Variants in ACACA observed in about 807,000 individuals in gnomAD.
ACACA encodes acetyl-CoA carboxylase 1.
ACACA carries 103 observed loss-of-function variants against 296.1 expected under a neutral mutation model. The observed-to-expected ratio is 0.35, with a 90% CI of 0.30 to 0.41. ACACA has a LOEUF of 0.41. ACACA is among the 10% of genes least tolerant of loss of function. The pLI is 1.00. For synonymous variants in ACACA, 953 were observed against 1,038.6 expected, an observed-to-expected ratio of 0.92 and a Z score of 1.58; for missense variants, 1,554 against 2,989.7, an observed-to-expected ratio of 0.52 and a Z score of 11.20.
At chr17:37,092,090 CAG>C (rs1247446406) in intron 54 of ACACA, among the ~76,000 whole-genome samples, 1 of 151,570 alleles carries the variant, frequency 6.6e-6, no homozygotes, top group African/African-American at 2.4e-5. Flanking sequence ...AGTTTCAGAC[CAG>C]CCTGGGCAAC....
chr17:37,151,370 G>T lies in ACACA; in HGVS notation c.5499C>A (p.Asn1833Lys), dbSNP rs1349144488. 1 of 1,613,914 alleles carries T rather than the reference G, an allele frequency of 6.2e-7. No individual in the cohort carries two copies. The highest frequency in any genetic ancestry group is 8.5e-7 in the Non-Finnish European group (1 of 1,179,926). The change falls in exon 44 of 56, where the codon AAC becomes AAA. Residue 1833 changes from asparagine to lysine, a missense_variant. Transcript: ENST00000616317. Reference sequence around the variant, plus strand: ...CAGCAATCATTCCAGAACCTCGAAGGTTCTCGGGTCCAATTCCCTCTTCTT... The same window carrying T: ...CAGCAATCATTCCAGAACCTCGAAGTTTCTCGGGTCCAATTCCCTCTTCTT... The part of the protein sequence containing the change: ...IGKEEGIGPE[N>K]LRGSGMIAGE...
chr17:37,185,878 A>G (rs1340057770), intron 39 of ACACA, among the ~76,000 whole-genome samples: 1 of 151,922 alleles, frequency 6.6e-6, no homozygotes, highest in East Asian at 1.9e-4. Context: ...CTAAAATGTT[A>G]TTTTTCTCTT....
rs1354200244 is a variant in ACACA, at chr17:37,260,288, ATATATATATTTTTTTTTTT to A, written c.1330-777_1330-759del. On this transcript the variant is annotated intron_variant, in intron 11 of 55. Transcript: ENST00000616317. ...TATATATATATATATATATATATAT[ATATATATATTTTTTTTTTT>A]TTTTTTTTTGGAGATGGAGTCTCGC... Among the ~76,000 whole-genome samples the A allele has an allele frequency of 1.0e-3, 25 of 24,060 alleles. 1 individual carries two copies. The highest frequency in any genetic ancestry group is 4.4e-3 in the African/African-American group (23 of 5,274). 15.8% of individuals were successfully genotyped at this position (24,060 alleles called of 152,430 possible).
intron 1 of ACACA, among the ~76,000 whole-genome samples, chr17:37,390,175 T>TATATATACATACAC (rs60788220): frequency 2.2e-5 from 1 of 44,508 alleles, no homozygotes. Context: ...TATATATATA[T>TATATATACATACAC]ACACACACAC....
intron 42 of ACACA, among the ~76,000 whole-genome samples, chr17:37,161,203 T>A (rs2076445974): frequency 6.6e-6 from 1 of 152,136 alleles, no homozygotes; most frequent in Non-Finnish European, 1.5e-5. Context: ...TATGGCACAG[T>A]CTGATGACAT....
chr17:37,248,132 A>C lies in ACACA; in HGVS notation c.2188T>G (p.Tyr730Asp). The C allele has an allele frequency of 6.2e-7, 1 of 1,614,174 alleles. No individual in the cohort carries two copies. The highest frequency in any genetic ancestry group is 8.5e-7 in the Non-Finnish European group (1 of 1,180,032). ...CATGAGCCATTCATGATCACCACAT[A>C]GGAGTTGGGGGACTGTCGAGTCACC... The part of the protein sequence containing the change: ...LKVTRQSPNS[Y>D]VVIMNGSCVE... The change falls in exon 18 of 56, where the codon TAT (tyrosine) becomes GAT (aspartate). Residue 730 changes from tyrosine to aspartate, a missense_variant. Physicochemically the swap from Tyr to Asp is radical, Grantham distance 160. Around this residue, in one of 16 missense-constraint regions of ACACA, gnomAD observed 316 missense variants for 540.9 expected, o/e 0.58. Coordinates refer to ENST00000616317, the MANE Select transcript of ACACA (RefSeq NM_198834.3).
chr17:37,381,919 A>T (rs112626895), intron 1 of ACACA, among the ~76,000 whole-genome samples: 31 of 152,010 alleles, frequency 2.0e-4, no homozygotes, highest in African/African-American at 5.5e-4. Flanking sequence ...GAGCCACTGC[A>T]CCCGGCCATG....
intron 2 of ACACA, among the ~76,000 whole-genome samples, chr17:37,336,424 G>A (rs533050128): frequency 2.0e-5 from 3 of 152,282 alleles, no homozygotes; most frequent in Admixed American, 6.5e-5. Flanking sequence ...GAAGGTGACC[G>A]CTTCCACCTT....
At chr17:37,217,260 CAAAAAAAAAAA>C (rs34419580) in intron 29 of ACACA, among the ~76,000 whole-genome samples, 5 of 42,526 alleles carry the variant, frequency 1.2e-4, no homozygotes, top group African/African-American at 4.1e-4. Flanking sequence ...AACTCTATCT[CAAAAAAAAAAA>C]AAAAAAAAAA....
chr17:37,133,692 G>C (rs545858344), intron 45 of ACACA, among the ~76,000 whole-genome samples: 2 of 152,184 alleles, frequency 1.3e-5, no homozygotes, highest in African/African-American at 4.8e-5. Context: ...ATTTCTTGCC[G>C]TGTTTCAGTT....
chr17:37,160,707 TGAGA>T (rs2076425925), intron 42 of ACACA, among the ~76,000 whole-genome samples: 2 of 152,000 alleles, frequency 1.3e-5, no homozygotes, highest in South Asian at 2.1e-4. Context: ...TGAAGCAAGT[TGAGA>T]GAGAAAGTTG....
intron 10 of ACACA, among the ~76,000 whole-genome samples, chr17:37,267,304 C>T (rs1289178849): frequency 1.3e-5 from 2 of 152,112 alleles, no homozygotes; most frequent in African/African-American, 2.4e-5. Flanking sequence ...TTACATGTCT[C>T]AAATGTGGTG....
rs377306715 is a variant in ACACA at position 37,100,559 on chromosome 17, TAA to T, written c.6566-2577_6566-2576del. Among the ~76,000 whole-genome samples the T allele has an allele frequency of 7.8e-5, 11 of 141,156 alleles. No individual in the cohort carries two copies. In the South Asian group the frequency reaches 2.0e-3, roughly 26 times the overall value. The allele number at this position is 141,156 out of a possible 152,430, so 92.6% of individuals were successfully genotyped here. On this transcript the variant is annotated intron_variant, in intron 52 of 55. Coordinates refer to ENST00000616317, the MANE Select transcript of ACACA (RefSeq NM_198834.3). ...CAAAGGTCAAAGAATCAGTCCAGAT[TAA>T]AAGAGACCAAAAATACTTGACAATG...
chr17:37,247,656 C>T (rs532139358), intron 18 of ACACA, among the ~76,000 whole-genome samples: 71 of 152,218 alleles, frequency 4.7e-4, no homozygotes, highest in Middle Eastern at 3.4e-3. Flanking sequence ...CGTGAGCCAC[C>T]GCGCCCAGCC....
chr17:37,347,651 C>T (rs2048688909), intron 1 of ACACA, among the ~76,000 whole-genome samples: 1 of 151,016 alleles, frequency 6.6e-6, no homozygotes, highest in Admixed American at 6.6e-5. Flanking sequence ...ACCTGTAATC[C>T]CAACACTTTG....
chr17:37,241,821 G>C (rs1182939804), intron 23 of ACACA, 132 bp downstream of exon 23: 1 of 716,560 alleles, frequency 1.4e-6, no homozygotes, highest in Non-Finnish European at 2.5e-6. Flanking sequence ...AAAAGACAAG[G>C]TACTTTCTAA....
In ACACA at chr17:37,174,001, TATATATATATATA is replaced by T. The variant is rs1307592465; in HGVS notation, c.5079+5246_5079+5258del. Among the ~76,000 whole-genome samples the T allele has an allele frequency of 2.9e-3, 35 of 12,008 alleles. 3 individuals are homozygous for T. Among genetic ancestry groups the T allele is most frequent in the East Asian group, 0.02 (9 of 454 alleles). The allele number at this position is 12,008 out of a possible 152,430, so 7.9% of individuals were successfully genotyped here. A position where few individuals can be genotyped will look rare whatever the true frequency, so the allele number is the denominator to read the frequency against. Reference sequence around the variant, plus strand: ...GCTAATTTATATATATATATATATATATATATATATATATATATATTTTTTTTTTTTTTTTTTT... The same window carrying T: ...GCTAATTTATATATATATATATATATTATATATTTTTTTTTTTTTTTTTTT... On this transcript the variant is annotated intron_variant, in intron 41 of 55. Coordinates refer to ENST00000616317, the MANE Select transcript of ACACA (RefSeq NM_198834.3).
intron 21 of ACACA, among the ~76,000 whole-genome samples, chr17:37,244,265 T>C (rs1439286537): frequency 6.6e-6 from 1 of 150,960 alleles, no homozygotes; most frequent in African/African-American, 2.4e-5. Context: ...ACTCAGGAGG[T>C]TGAGGCAGGA....
intron 51 of ACACA, 67 bp from the exon 52 acceptor site, chr17:37,111,710 T>A: frequency 8.4e-7 from 1 of 1,188,506 alleles, no homozygotes. Flanking sequence ...GACAACAGAA[T>A]GAGGCCAGTT....
Sources: allele counts gnomAD v4.1 joint callset (sites outside exome capture counted in the v4.1 genomes callset), GRCh38; gene constraint gnomAD v4.1.1; regional missense constraint gnomAD v4.1.1; transcripts MANE v1.5; gene names NCBI Gene and HGNC (gene_info 2026-07-23, HGNC 2026-07-21).